The following SLC44A5 variants were observed in gnomAD, a reference collection of about 807,000 sequenced individuals.
The protein encoded by SLC44A5 is choline transporter-like protein 5.
Under a neutral mutation model 101.8 loss-of-function variants are expected in SLC44A5, and 57 were observed. The ratio of observed to expected loss-of-function variants is 0.56; its 90% confidence interval spans 0.45 to 0.70. The LOEUF is 0.70. SLC44A5 is among the 30% of genes least tolerant of loss of function. The pLI is 0.00. For missense variants in SLC44A5, 737 were observed against 853.1 expected, an observed-to-expected ratio of 0.86 and a Z score of 1.70; for synonymous variants, 281 against 290.9, an observed-to-expected ratio of 0.97 and a Z score of 0.35.
chr1:75,269,498 C>G (rs892273670), intron 6 of SLC44A5, among the ~76,000 whole-genome samples: 7 of 151,522 alleles, frequency 4.6e-5, no homozygotes, highest in Admixed American at 4.6e-4. Context: ...ATAAATATAC[C>G]CTTGCATTTT....
the SLC44A5 span, among the ~76,000 whole-genome samples, chr1:75,694,589 G>C: frequency 6.6e-6 from 1 of 151,932 alleles, no homozygotes; most frequent in African/African-American, 2.4e-5. Flanking sequence ...GTGGGACATA[G>C]GTACCTTACC....
chr1:75,216,857 C>G (rs1470779186), intron 18 of SLC44A5, among the ~76,000 whole-genome samples: 1 of 151,918 alleles, frequency 6.6e-6, no homozygotes. Flanking sequence ...GATATGAATT[C>G]CTTATCTGGC....
chr1:75,364,785 C>G (rs1202645300), intron 3 of SLC44A5, among the ~76,000 whole-genome samples: 3 of 152,082 alleles, frequency 2.0e-5, no homozygotes, highest in African/African-American at 7.2e-5. Flanking sequence ...ATTCTTTTCT[C>G]TTTTTGTTCC....
chr1:75,677,915 C>T, the SLC44A5 span: 13 of 237,680 alleles, frequency 5.5e-5, no homozygotes, highest in African/African-American at 1.2e-4. Flanking sequence ...GCACCGTGCA[C>T]GAGCCGAAGC....
intron 3 of SLC44A5, among the ~76,000 whole-genome samples, chr1:75,373,603 G>A (rs1660370825): frequency 6.6e-6 from 1 of 152,176 alleles, no homozygotes; most frequent in African/African-American, 2.4e-5. Context: ...TGTAGCTCCT[G>A]CTGACTGTTC....
chr1:75,265,999 A>G (rs1031577120), intron 6 of SLC44A5, among the ~76,000 whole-genome samples: 9 of 152,302 alleles, frequency 5.9e-5, no homozygotes, highest in African/African-American at 2.2e-4. Flanking sequence ...AGTTACACAC[A>G]ACAACAAAGC....
chr1:75,255,555 C>A (rs1490516309), intron 6 of SLC44A5, among the ~76,000 whole-genome samples: 1 of 151,758 alleles, frequency 6.6e-6, no homozygotes, highest in East Asian at 1.9e-4. Flanking sequence ...TGAGACGAAT[C>A]CAGGTATGAC....
the SLC44A5 span, among the ~76,000 whole-genome samples, chr1:75,678,209 T>G: frequency 6.6e-6 from 1 of 152,178 alleles, no homozygotes; most frequent in Non-Finnish European, 1.5e-5. Context: ...ATGCCCAGGC[T>G]TGCTTAGGTA....
chr1:75,287,952 A>AG (rs1653206886), intron 5 of SLC44A5, among the ~76,000 whole-genome samples: 4 of 152,168 alleles, frequency 2.6e-5, no homozygotes, highest in African/African-American at 4.8e-5. Flanking sequence ...CTTTCAAGAC[A>AG]GCATGTATAG....
intron 23 of SLC44A5, chr1:75,205,996 G>A (rs926013508): frequency 6.6e-6 from 1 of 152,054 alleles, no homozygotes; most frequent in African/African-American, 2.4e-5. Flanking sequence ...GGCTCTGAAG[G>A]TTCCATAGTA....
At chr1:75,532,803 G>T (rs551877318) in intron 2 of SLC44A5, among the ~76,000 whole-genome samples, 1 of 152,266 alleles carries the variant, frequency 6.6e-6, no homozygotes, top group African/African-American at 2.4e-5. Flanking sequence ...ACTTTGGGAG[G>T]CCAAGGTGGG....
the SLC44A5 span, among the ~76,000 whole-genome samples, chr1:75,692,418 A>G: frequency 6.6e-6 from 1 of 151,836 alleles, no homozygotes; most frequent in Non-Finnish European, 1.5e-5. Context: ...GATGGTCTCA[A>G]TCTCCTGACC....
intron 4 of SLC44A5, among the ~76,000 whole-genome samples, chr1:75,322,608 C>A (rs1656250413): frequency 6.6e-6 from 1 of 152,128 alleles, no homozygotes; most frequent in African/African-American, 2.4e-5. Context: ...AATTTTGAGG[C>A]AAATCTTGGA....
At chr1:75,616,398 G>A in the SLC44A5 span, among the ~76,000 whole-genome samples, 1 of 152,230 alleles carries the variant, frequency 6.6e-6, no homozygotes, top group East Asian at 1.9e-4. Context: ...CTGGGGCCGG[G>A]AAGGAGAAAG....
rs562049257 is a variant in SLC44A5 at position 75,354,493 on chromosome 1, C to A, written c.53-14863G>T. On this transcript the variant is annotated intron_variant, in intron 3 of 23. Transcript: ENST00000370859. ...TGATACACTGTTTCCTTTCAACCCC[C>A]ACATCCTCACTACCTGTTTCTTTGT... Among the ~76,000 whole-genome samples, 19 of 152,310 alleles carry A rather than the reference C, an allele frequency of 1.2e-4. No homozygotes were observed. The South Asian group carries it at 3.9e-3, about 32-fold the overall frequency.
intron 1 of SLC44A5, among the ~76,000 whole-genome samples, chr1:75,542,318 G>T (rs1041387897): frequency 1.3e-5 from 2 of 151,944 alleles, no homozygotes; most frequent in Non-Finnish European, 2.9e-5. Context: ...ATTTTGACAA[G>T]GTTGAATTTA....
chr1:75,591,894 G>C (rs1283577858), intron 1 of SLC44A5, among the ~76,000 whole-genome samples: 4 of 151,230 alleles, frequency 2.6e-5, no homozygotes, highest in Non-Finnish European at 5.9e-5. Flanking sequence ...CAGAATAAAA[G>C]CCACATATGA....
In SLC44A5 at chr1:75,537,033, A is replaced by AAAAAAAACATATATATATAT. The variant is rs35829590; in HGVS notation, c.13+4401_13+4402insATATATATATATGTTTTTTT. ...AAAAAAAAAAAAAAAAAAAAAAAAA[A>AAAAAAAACATATATATATAT]ATATATATCTATGCCAAATGATTCT... On this transcript the variant is annotated intron_variant, in intron 2 of 23. Transcript: ENST00000370859. Among the ~76,000 whole-genome samples, 2 of 43,026 alleles carry AAAAAAAACATATATATATAT rather than the reference A, an allele frequency of 4.6e-5. 1 individual carries two copies. Among genetic ancestry groups the AAAAAAAACATATATATATAT allele is most frequent in the East Asian group, 1.7e-3 (2 of 1,184 alleles). 28.2% of individuals were successfully genotyped at this position (43,026 alleles called of 152,430 possible).
At chr1:75,440,665 GA>G (rs577550883) in intron 2 of SLC44A5, among the ~76,000 whole-genome samples, 108 of 152,114 alleles carry the variant, frequency 7.1e-4, no homozygotes, top group Non-Finnish European at 7.1e-4. Context: ...GAGAAGCAAG[GA>G]AACCAGCTGG....
Sources: allele counts gnomAD v4.1 joint callset (sites outside exome capture counted in the v4.1 genomes callset), GRCh38; gene constraint gnomAD v4.1.1; transcripts MANE v1.5; gene names NCBI Gene and HGNC (gene_info 2026-07-23, HGNC 2026-07-21).